The following RANGAP1 variants were observed in gnomAD, a reference collection of about 807,000 sequenced individuals.
The protein encoded by RANGAP1 is ran GTPase-activating protein 1.
In RANGAP1, 38 loss-of-function variants were observed where a neutral mutation model predicts 63.5. That is an observed-to-expected ratio of 0.60 (90% CI 0.46 to 0.78). RANGAP1 has a LOEUF of 0.78. Ranked by LOEUF, RANGAP1 falls within the 30% of genes least tolerant of loss-of-function variation. The pLI is 0.00. For synonymous variants in RANGAP1, 329 were observed against 310.5 expected (o/e 1.06, Z -0.63); for missense variants, 630 against 740.3 (o/e 0.85, Z 1.73).
intron 2 of RANGAP1, among the ~76,000 whole-genome samples, chr22:41,275,904 C>T (rs572984691): frequency 6.6e-6 from 1 of 151,958 alleles, no homozygotes; most frequent in South Asian, 2.1e-4. Context: ...CATGATCATG[C>T]CATAGCACTC....
rs543585416 is a variant in RANGAP1 at position 41,254,309 on chromosome 22, C to G, written c.1259G>C (p.Gly420Ala). Residue 420 changes from glycine to alanine, a missense_variant and splice_region_variant, in exon 11 of 16, where the codon GGG becomes GCG. Around this residue, in one of 3 missense-constraint regions of RANGAP1, gnomAD observed 428 missense variants for 465.5 expected, o/e 0.92. Transcript: ENST00000356244. ...TTGTGGCAGATGATAGAAACTCACC[C>G]CAGTGTTAGGGTCCAGAATCTTCCG... The part of the protein sequence containing the change: ...PSRKILDPNT[G>A]EPAPVLSSPP... 2 of 1,614,106 alleles carry G rather than the reference C, an allele frequency of 1.2e-6. No individual in the cohort carries two copies. The highest frequency in any genetic ancestry group is 3.3e-5 in the Admixed American group (2 of 60,020).
In RANGAP1 at chr22:41,280,953, T is replaced by A. The variant is rs1569211807; in HGVS notation, c.92A>T (p.Lys31Ile). The A allele has an allele frequency of 6.2e-7, 1 of 1,614,060 alleles. No individual in the cohort carries two copies. The change falls in exon 2 of 16, where the codon AAA becomes ATA. Residue 31 changes from lysine (K) to isoleucine (I), a missense_variant. Physicochemically the swap from Lys to Ile is moderately radical, Grantham distance 102. This residue lies in a region of RANGAP1 where 65 missense variants were observed against 60.5 expected (regional missense o/e 1.07). Transcript: ENST00000356244. ...CTCACCATCTTCTGCAGTGTTGAGTTTGAGGCTCTTGCCTTTGAAACTCAG... is the reference window on the plus strand; with the variant it reads ...CTCACCATCTTCTGCAGTGTTGAGTATGAGGCTCTTGCCTTTGAAACTCAG... ...GQLSFKGKSL[K>I]LNTAEDAKDV...
intron 5 of RANGAP1, among the ~76,000 whole-genome samples, chr22:41,264,149 C>T (rs530225179): frequency 2.6e-5 from 4 of 152,328 alleles, no homozygotes; most frequent in Non-Finnish European, 4.4e-5. Context: ...TACGGCAGGC[C>T]GCCCTTGATG....
intron 15 of RANGAP1, among the ~76,000 whole-genome samples, chr22:41,247,316 A>C (rs1364126722): frequency 1.3e-5 from 2 of 151,934 alleles, no homozygotes; most frequent in East Asian, 1.9e-4. Context: ...CGGCCTCCCA[A>C]AGTGCTGGGA....
At chr22:41,285,821 C>T (rs574406820) in intron 1 of RANGAP1, 165 bp downstream of exon 1, 2 of 622,052 alleles carry the variant, frequency 3.2e-6, no homozygotes, top group East Asian at 1.4e-4. Context: ...CAGCGCCGCT[C>T]AACAACCCCA....
At position 41,274,632 on chromosome 22, in the gene RANGAP1, C is replaced by A. The variant is rs138459348; in HGVS notation, c.208G>T (p.Ala70Ser). The change falls in exon 3 of 16, where the codon GCC becomes TCC. Residue 70 changes from alanine (A) to serine (S), a missense_variant. By Grantham distance (99) the Ala-to-Ser change is moderately conservative. Coordinates refer to ENST00000356244, the MANE Select transcript of RANGAP1 (RefSeq NM_002883.4). ...TCCGACTTCTTCTCTAAGGCCTTGGCGATGACCCTGGCTGCTTCCACGCCC... is the reference window on the plus strand; with the variant it reads ...TCCGACTTCTTCTCTAAGGCCTTGGAGATGACCCTGGCTGCTTCCACGCCC... Reference protein sequence around the residue: ...TVGVEAARVIAKALEKKSELK... With the variant: ...TVGVEAARVISKALEKKSELK... 133 of 1,614,038 alleles carry A rather than the reference C, an allele frequency of 8.2e-5. No individual in the cohort carries two copies. Among genetic ancestry groups the A allele is most frequent in the Non-Finnish European group, 1.1e-4 (125 of 1,180,016 alleles).
At chr22:41,261,346 T>G in intron 6 of RANGAP1, 100 bp downstream of exon 6, 2 of 1,544,074 alleles carry the variant, frequency 1.3e-6, no homozygotes, top group South Asian at 1.2e-5. Context: ...CCAGGTCTCT[T>G]GGTTGAGTGC....
At chr22:41,273,089 C>A (rs1474655427) in intron 3 of RANGAP1, among the ~76,000 whole-genome samples, 1 of 152,152 alleles carries the variant, frequency 6.6e-6, no homozygotes, top group Non-Finnish European at 1.5e-5. Context: ...AGCCATCGTG[C>A]CCGACTGATC....
At chr22:41,264,079 G>A (rs1221337232) in intron 5 of RANGAP1, among the ~76,000 whole-genome samples, 1 of 152,222 alleles carries the variant, frequency 6.6e-6, no homozygotes, top group Non-Finnish European at 1.5e-5. Context: ...TTGCAGCCTG[G>A]CACTCAGTGT....
chr22:41,283,517 A>AAACAAC (rs1198758801), intron 1 of RANGAP1, among the ~76,000 whole-genome samples: 1 of 151,944 alleles, frequency 6.6e-6, no homozygotes, highest in Non-Finnish European at 1.5e-5. Flanking sequence ...CAAAACAAAC[A>AAACAAC]AATAACAACA....
intron 5 of RANGAP1, among the ~76,000 whole-genome samples, chr22:41,263,608 C>T (rs547879550): frequency 2.1e-4 from 32 of 152,346 alleles, no homozygotes; most frequent in Non-Finnish European, 3.2e-4. Context: ...TGGTCTCGAA[C>T]GCCTGACCTC....
At position 41,246,680 on chromosome 22, in the gene RANGAP1, G is replaced by C; in HGVS notation, c.1695-8C>G. The C allele has an allele frequency of 1.9e-6, 3 of 1,558,364 alleles. No individual in the cohort carries two copies. Among genetic ancestry groups the C allele is most frequent in the Non-Finnish European group, 1.7e-6 (2 of 1,148,324 alleles). On this transcript the variant is annotated splice_polypyrimidine_tract_variant and splice_region_variant and intron_variant, in intron 15 of 15. Coordinates refer to ENST00000356244, the MANE Select transcript of RANGAP1 (RefSeq NM_002883.4). ...TCCAGGGCGCTGTTGGGCCTGCGGG[G>C]AAAGAGGGGTCAGCAGGTCGGTGGA... is the stretch of plus-strand genomic sequence containing the variant.
chr22:41,254,217 AG>A, intron 11 of RANGAP1, 90 bp downstream of exon 11: 1 of 1,441,444 alleles, frequency 6.9e-7, no homozygotes, highest in Non-Finnish European at 9.6e-7. Flanking sequence ...ACTGTGCTTA[AG>A]GAGACACCCC....
At chr22:41,256,133 G>C (rs973172330) in intron 9 of RANGAP1, 28 bp from the exon 10 acceptor site, 1 of 1,613,844 alleles carries the variant, frequency 6.2e-7, no homozygotes, top group African/African-American at 1.3e-5. Context: ...AGAGCAGTCA[G>C]CCGGGGTGCC....
intron 15 of RANGAP1, 146 bp from the exon 16 acceptor site, chr22:41,246,818 C>A (rs988998824): frequency 1.4e-5 from 11 of 760,350 alleles, no homozygotes; most frequent in Non-Finnish European, 2.2e-5. Flanking sequence ...TTCTGCACAC[C>A]GTGGGTGGGG....
upstream of RANGAP1, among the ~76,000 whole-genome samples, chr22:41,290,147 GAAAA>G (rs549026640): frequency 2.6e-5 from 3 of 115,464 alleles, no homozygotes; most frequent in Non-Finnish European, 3.6e-5. Context: ...CTGTCTCAAA[GAAAA>G]AAAAAAAAGA....
chr22:41,288,465 G>C (rs989259183), upstream of RANGAP1, among the ~76,000 whole-genome samples: 1 of 152,164 alleles, frequency 6.6e-6, no homozygotes, highest in Non-Finnish European at 1.5e-5. Context: ...TCGGGTTACC[G>C]GATGTTTGCT....
At chr22:41,300,425 A>AACAC in the RANGAP1 span, among the ~76,000 whole-genome samples, 10 of 40,146 alleles carry the variant, frequency 2.5e-4, no homozygotes, top group South Asian at 1.2e-3. Context: ...GGGTATTGGG[A>AACAC]ACTCACACAC....
At chr22:41,254,675 A>T (rs1304736956) in intron 10 of RANGAP1, 181 bp from the exon 11 acceptor site, 8 of 982,572 alleles carry the variant, frequency 8.1e-6, no homozygotes, top group Non-Finnish European at 8.5e-6. Context: ...TGCTGTGGAC[A>T]CAAAAAAATA....
Sources: gnomAD v4.1 joint callset for allele counts (sites outside exome capture counted in the v4.1 genomes callset) on GRCh38, gnomAD v4.1.1 for gene constraint, gnomAD v4.1.1 regional missense constraint, MANE v1.5 for transcripts, NCBI Gene and HGNC (gene_info 2026-07-23, HGNC 2026-07-21) for gene names.